The following TENM2 variants were observed in gnomAD, a reference collection of about 807,000 sequenced individuals.
TENM2 encodes the protein teneurin transmembrane protein 2, also known as teneurin-2.
A neutral mutation model predicts 245.2 loss-of-function variants in TENM2; 52 were observed. That is an observed-to-expected ratio of 0.21 (90% CI 0.17 to 0.27). TENM2 has a LOEUF of 0.27. TENM2 is among the 10% of genes least tolerant of loss of function. The probability of loss-of-function intolerance (pLI) is 1.00; values close to 1 mark genes in which losing one functional copy is unlikely to be tolerated. For synonymous variants in TENM2, 1,363 were observed against 1,438.9 expected (o/e 0.95, Z 1.19); for missense variants, 3,046 against 3,666.8 (o/e 0.83, Z 4.37).
At position 167,541,811 on chromosome 5, in the gene TENM2, C is replaced by T. The variant is rs1368481480; in HGVS notation, c.502+166338C>T. 3.3e-5 allele frequency among the ~76,000 whole-genome samples: 5 copies of T among 152,234 alleles called. No individual in the cohort carries two copies. The South Asian group carries it at 8.3e-4, about 25-fold the overall frequency. On this transcript the variant is annotated intron_variant, in intron 2 of 28. Transcript: ENST00000518659. The stretch of plus-strand genomic sequence containing the variant: ...ATATTTTGAAATTATACTGATTTTA[C>T]ATGACAGATACATAAGGCAATAATT...
chr5:167,217,270 G>A, the TENM2 span, among the ~76,000 whole-genome samples: 2 of 151,980 alleles, frequency 1.3e-5, no homozygotes, highest in South Asian at 2.1e-4. Flanking sequence ...AGAATCCTTT[G>A]GAGTTTTAAT....
intron 2 of TENM2, among the ~76,000 whole-genome samples, chr5:167,770,257 G>C (rs1381821395): frequency 2.0e-5 from 3 of 152,148 alleles, no homozygotes; most frequent in African/African-American, 7.2e-5. Flanking sequence ...AACAGCAAAG[G>C]CTTAGTGATT....
the TENM2 span, among the ~76,000 whole-genome samples, chr5:167,125,890 C>G: frequency 4.6e-5 from 7 of 152,302 alleles, no homozygotes; most frequent in African/African-American, 1.4e-4. Flanking sequence ...GCAGGTCACA[C>G]AGCTGGTTAG....
chr5:167,291,110 T>C (rs2127719501), intron 1 of TENM2, among the ~76,000 whole-genome samples: 1 of 152,334 alleles, frequency 6.6e-6, no homozygotes, highest in Non-Finnish European at 1.5e-5. Context: ...TTATCTATTG[T>C]CAATTCTGTG....
the TENM2 span, among the ~76,000 whole-genome samples, chr5:166,989,266 T>TTG: frequency 7.1e-6 from 1 of 140,206 alleles, no homozygotes; most frequent in Non-Finnish European, 1.5e-5. Context: ...TTTTTTTTTT[T>TTG]TTTTTTTTTT....
the TENM2 span, among the ~76,000 whole-genome samples, chr5:166,992,821 G>A: frequency 3.3e-5 from 5 of 152,206 alleles, no homozygotes; most frequent in Non-Finnish European, 5.9e-5. Flanking sequence ...GAATTAAAAT[G>A]AGCCAGATGT....
intron 3 of TENM2, among the ~76,000 whole-genome samples, chr5:167,948,586 G>A (rs576214805): frequency 6.6e-6 from 1 of 152,136 alleles, no homozygotes; most frequent in Non-Finnish European, 1.5e-5. Context: ...TAAATTCCAG[G>A]TTCTGGACTG....
the TENM2 span, among the ~76,000 whole-genome samples, chr5:167,229,640 A>C: frequency 6.6e-6 from 1 of 152,172 alleles, no homozygotes; most frequent in East Asian, 1.9e-4. Context: ...GGGAAGTTTC[A>C]GATGCCACTG....
At chr5:168,009,093 C>A (rs1412030329) in intron 5 of TENM2, among the ~76,000 whole-genome samples, 1 of 152,198 alleles carries the variant, frequency 6.6e-6, no homozygotes, top group Non-Finnish European at 1.5e-5. Flanking sequence ...AGTGCAAATT[C>A]TGCGAACCAA....
the TENM2 span, among the ~76,000 whole-genome samples, chr5:167,080,604 C>A: frequency 6.6e-6 from 1 of 151,582 alleles, no homozygotes; most frequent in African/African-American, 2.4e-5. Context: ...AGCCTTTCCT[C>A]GGGATGCTAA....
In TENM2 at chr5:167,398,381, T is replaced by C. The variant is rs751466825; in HGVS notation, c.502+22908T>C. Among the ~76,000 whole-genome samples the C allele has an allele frequency of 3.3e-3, 72 of 22,124 alleles. 1 individual carries two copies. In the African/African-American group the frequency reaches 0.046, roughly 14 times the overall value. 14.5% of individuals were successfully genotyped at this position (22,124 alleles called of 152,430 possible). ...TCTTTCTTTCCTTTCTTTCTTCCTT[T>C]CTTTCTTTCTTTCTTTCTTTCTTTC... On this transcript the variant is annotated intron_variant, in intron 2 of 28. Transcript: ENST00000518659.
intron 2 of TENM2, among the ~76,000 whole-genome samples, chr5:167,685,300 A>T (rs1757000229): frequency 6.6e-6 from 1 of 152,194 alleles, no homozygotes; most frequent in African/African-American, 2.4e-5. Flanking sequence ...CATGTCTGCC[A>T]TGCCAAAATA....
At chr5:167,912,351 CTGT>C (rs1280201248) in intron 3 of TENM2, among the ~76,000 whole-genome samples, 1 of 152,176 alleles carries the variant, frequency 6.6e-6, no homozygotes, top group Non-Finnish European at 1.5e-5. Context: ...AAATAGTATT[CTGT>C]TGTGTATATA....
At chr5:168,023,501 C>A (rs1392405608) in intron 5 of TENM2, among the ~76,000 whole-genome samples, 1 of 152,174 alleles carries the variant, frequency 6.6e-6, no homozygotes, top group African/African-American at 2.4e-5. Context: ...CTCTCACTGG[C>A]CTGCCCAGGC....
At chr5:167,667,523 A>T (rs1755653514) in intron 2 of TENM2, among the ~76,000 whole-genome samples, 1 of 152,208 alleles carries the variant, frequency 6.6e-6, no homozygotes. Context: ...TATTTAGACA[A>T]ACCATAGGTC....
chr5:167,337,854 C>T (rs942351139), intron 1 of TENM2, among the ~76,000 whole-genome samples: 3 of 152,080 alleles, frequency 2.0e-5, no homozygotes, highest in African/African-American at 7.2e-5. Context: ...TTTCAAATTC[C>T]AATCTCAATA....
At chr5:167,853,302 AAAAAAAAAAAG>A (rs1162383219) in intron 2 of TENM2, among the ~76,000 whole-genome samples, 9 of 141,136 alleles carry the variant, frequency 6.4e-5, no homozygotes, top group African/African-American at 2.0e-4. Flanking sequence ...AAAAAAAAAA[AAAAAAAAAAAG>A]AAAGTGATCG....
the TENM2 span, among the ~76,000 whole-genome samples, chr5:167,008,148 G>A: frequency 1.1e-4 from 17 of 152,262 alleles, no homozygotes; most frequent in South Asian, 2.1e-4. Flanking sequence ...ACTAAGACAC[G>A]TAGCGTATAT....
intron 5 of TENM2, among the ~76,000 whole-genome samples, chr5:168,011,379 C>T (rs1479349856): frequency 6.6e-6 from 1 of 152,142 alleles, no homozygotes; most frequent in Non-Finnish European, 1.5e-5. Flanking sequence ...TTTGTCACGA[C>T]TGGGAGATGC....
Sources: allele counts gnomAD v4.1 joint callset (sites outside exome capture counted in the v4.1 genomes callset), GRCh38; gene constraint gnomAD v4.1.1; transcripts MANE v1.5; gene names NCBI Gene and HGNC (gene_info 2026-07-23, HGNC 2026-07-21).